The following ABCA12 variants were observed in gnomAD, a reference collection of about 807,000 sequenced individuals.
ABCA12 encodes glucosylceramide transporter ABCA12.
A neutral mutation model predicts 293.5 loss-of-function variants in ABCA12; 156 were observed. The ratio of observed to expected loss-of-function variants is 0.53; its 90% confidence interval spans 0.47 to 0.61. The LOEUF (loss-of-function observed/expected upper bound fraction) is 0.61, where lower values mean the gene tolerates loss of function less well. Among genes scored for constraint, ABCA12 ranks in the 20% least tolerant of loss-of-function variants. ABCA12 has a pLI of 0.00. For synonymous variants in ABCA12, 1,063 were observed against 1,108.0 expected (o/e 0.96, Z 0.81); for missense variants, 2,797 against 3,090.2 (o/e 0.91, Z 2.25).
intron 50 of ABCA12, 34 bp from the exon 51 acceptor site, chr2:214,937,649 T>G: frequency 1.5e-5 from 22 of 1,477,164 alleles, no homozygotes; most frequent in Middle Eastern, 1.8e-4. Context: ...TGATATGAAT[T>G]ACATTTTGCT....
In ABCA12 at chr2:215,014,251, AGAATAG is replaced by A. The variant is rs1475309359; in HGVS notation, c.1956+1233_1956+1238del. ...GTTGGCTGGAAGCAAAACAGAAGCC[AGAATAG>A]GAAAAGGGGATTTGAGAGTGCTGTA... On this transcript the variant is annotated intron_variant, in intron 15 of 52. Coordinates refer to ENST00000272895, the MANE Select transcript of ABCA12 (RefSeq NM_173076.3). 2.0e-5 allele frequency among the ~76,000 whole-genome samples: 3 copies of A among 152,276 alleles called. No individual in the cohort carries two copies. In the South Asian group the frequency reaches 6.2e-4, roughly 32 times the overall value.
At chr2:215,073,161 G>A (rs1293518754) in intron 2 of ABCA12, among the ~76,000 whole-genome samples, 4 of 152,096 alleles carry the variant, frequency 2.6e-5, no homozygotes, top group African/African-American at 9.7e-5. Flanking sequence ...GGGGTGAGTA[G>A]GGTTTATTAG....
chr2:215,065,834 T>G (rs1200636265), intron 2 of ABCA12, among the ~76,000 whole-genome samples: 1 of 151,932 alleles, frequency 6.6e-6, no homozygotes, highest in Non-Finnish European at 1.5e-5. Flanking sequence ...TCACAGTAAC[T>G]ATAGAAAAAA....
At chr2:215,112,125 A>G (rs1326228431) in intron 1 of ABCA12, among the ~76,000 whole-genome samples, 1 of 152,194 alleles carries the variant, frequency 6.6e-6, no homozygotes, top group Non-Finnish European at 1.5e-5. Flanking sequence ...TCAGCATTCT[A>G]TGCTCAGTCA....
At chr2:215,131,177 T>C (rs1237390511) in intron 1 of ABCA12, among the ~76,000 whole-genome samples, 3 of 152,116 alleles carry the variant, frequency 2.0e-5, no homozygotes, top group Non-Finnish European at 2.9e-5. Flanking sequence ...AATATTGGCC[T>C]GTAGTTTTCT....
chr2:215,138,125 T>A lies in ABCA12; in HGVS notation c.69+15A>T. 1 of 1,600,160 alleles carries A rather than the reference T, an allele frequency of 6.2e-7. No homozygotes were observed. The highest frequency in any genetic ancestry group is 8.6e-7 in the Non-Finnish European group (1 of 1,168,374). On this transcript the variant is annotated intron_variant, in intron 1 of 52. Coordinates refer to ENST00000272895, the MANE Select transcript of ABCA12 (RefSeq NM_173076.3). The stretch of plus-strand genomic sequence containing the variant: ...TGCCCCATGACCCATACTCCCACAC[T>A]TTTTTTTAACTCACCGGCTGCCTTT...
At chr2:214,978,508 C>T (rs753127863) in intron 32 of ABCA12, 42 bp from the exon 33 acceptor site, 1 of 1,597,882 alleles carries the variant, frequency 6.3e-7, no homozygotes, top group Admixed American at 1.7e-5. Context: ...ATGAAAAGTG[C>T]ATGTCTTTTC....
At chr2:215,064,249 G>T in intron 2 of ABCA12, 30 bp from the exon 3 acceptor site, 2 of 1,608,316 alleles carry the variant, frequency 1.2e-6, no homozygotes, top group Non-Finnish European at 1.7e-6. Flanking sequence ...CATTACATCA[G>T]TATGGCACAT....
intron 2 of ABCA12, among the ~76,000 whole-genome samples, chr2:215,094,539 G>GT (rs545698126): frequency 1.2e-3 from 190 of 152,100 alleles, no homozygotes; most frequent in African/African-American, 4.4e-3. Flanking sequence ...TTCTATCGTC[G>GT]TTTCACAACC....
At chr2:215,065,675 A>G (rs1701627721) in intron 2 of ABCA12, among the ~76,000 whole-genome samples, 1 of 152,040 alleles carries the variant, frequency 6.6e-6, no homozygotes, top group African/African-American at 2.4e-5. Flanking sequence ...TCTAGAAGAC[A>G]GCTTTTCTTC....
At chr2:214,954,232 T>C in intron 43 of ABCA12, 125 bp from the exon 44 acceptor site, 1 of 974,792 alleles carries the variant, frequency 1.0e-6, no homozygotes. Flanking sequence ...GGCAATTATT[T>C]CCCATATAGG....
At chr2:214,963,585 C>T (rs960020300) in intron 39 of ABCA12, among the ~76,000 whole-genome samples, 2 of 128,786 alleles carry the variant, frequency 1.6e-5, no homozygotes, top group Non-Finnish European at 3.1e-5. Context: ...TCATCTGATA[C>T]CAAAACCTGG....
At chr2:215,058,850 A>C (rs1405983153) in intron 3 of ABCA12, among the ~76,000 whole-genome samples, 3 of 152,088 alleles carry the variant, frequency 2.0e-5, no homozygotes, top group South Asian at 4.1e-4. Context: ...GGAAAAAAAA[A>C]CTAAACACTG....
intron 2 of ABCA12, among the ~76,000 whole-genome samples, chr2:215,105,423 A>G (rs1702444458): frequency 6.6e-6 from 1 of 152,280 alleles, no homozygotes; most frequent in South Asian, 2.1e-4. Flanking sequence ...CAGGCATTCT[A>G]CTGCAGAACA....
chr2:214,932,425 G>A lies in ABCA12; in HGVS notation c.*209C>T. 2 of 574,752 alleles carry A rather than the reference G, an allele frequency of 3.5e-6. No individual in the cohort carries two copies. The highest frequency in any genetic ancestry group is 2.0e-5 in the South Asian group (1 of 50,396). The allele number at this position is 574,752 out of a possible 1,614,324, so 35.6% of individuals were successfully genotyped here. On this transcript the variant is annotated 3_prime_UTR_variant, in exon 53 of 53. Coordinates refer to ENST00000272895, the MANE Select transcript of ABCA12 (RefSeq NM_173076.3). The stretch of plus-strand genomic sequence containing the variant: ...GCATGCTCACAGTGTTGAGTATACA[G>A]GAATTCATTTCAGTAGCAACAACAC...
chr2:215,132,983 C>A (rs1046236165), intron 1 of ABCA12, among the ~76,000 whole-genome samples: 3 of 151,734 alleles, frequency 2.0e-5, no homozygotes, highest in Non-Finnish European at 4.4e-5. Flanking sequence ...ATTTATGAAG[C>A]TCAGTTTGGC....
rs1700146461 is a variant in ABCA12 at position 215,001,588 on chromosome 2, T to C, written c.2833A>G (p.Arg945Gly). 1 of 1,613,714 alleles carries C rather than the reference T, an allele frequency of 6.2e-7. No individual in the cohort carries two copies. Among genetic ancestry groups the C allele is most frequent in the Non-Finnish European group, 8.5e-7 (1 of 1,179,748 alleles). The change falls in exon 21 of 53, where the codon AGG (arginine) becomes GGG (glycine). Residue 945 changes from arginine (R) to glycine (G), a missense_variant. Transcript: ENST00000272895. ...TIDEMEREAKRLYKSNELFGS... is the reference protein window; with the variant it reads ...TIDEMEREAKGLYKSNELFGS... ...AAGAGTTCGTTGCTTTTGTAGAGCC[T>C]TTTAGCCTCTCTCTCCATTTCATCT... is the stretch of plus-strand genomic sequence containing the variant.
intron 1 of ABCA12, among the ~76,000 whole-genome samples, chr2:215,123,157 C>A (rs749838078): frequency 3.9e-5 from 6 of 151,956 alleles, no homozygotes; most frequent in Non-Finnish European, 7.4e-5. Context: ...TGCTTATATA[C>A]CACATTTTCT....
At position 214,986,729 on chromosome 2, in the gene ABCA12, C is replaced by A; in HGVS notation, c.3977-1G>T. On this transcript the variant is annotated splice_acceptor_variant, in intron 27 of 52. Transcript: ENST00000272895. LOFTEE classifies it high-confidence loss of function. ...TTAGAGGAAAACATGTATTCAGGAC[C>A]TGGAGAGAAATCAAGGGAAGAGTTG... 1.2e-6 allele frequency: 2 copies of A among 1,613,936 alleles called. No individual in the cohort carries two copies. The highest frequency in any genetic ancestry group is 1.7e-6 in the Non-Finnish European group (2 of 1,179,884).
Sources: gnomAD v4.1 joint callset for allele counts (sites outside exome capture counted in the v4.1 genomes callset) on GRCh38, gnomAD v4.1.1 for gene constraint, MANE v1.5 for transcripts, NCBI Gene and HGNC (gene_info 2026-07-23, HGNC 2026-07-21) for gene names.